TP63: variants seen among roughly 807,000 people sequenced by gnomAD.
The protein encoded by TP63 is tumor protein p63.
In TP63, 17 loss-of-function variants were observed where a neutral mutation model predicts 82.8. That is an observed-to-expected ratio of 0.21 (90% CI 0.14 to 0.31). TP63 has a LOEUF of 0.31. TP63 is among the 10% of genes least tolerant of loss of function. The pLI, the probability that TP63 is intolerant of heterozygous loss-of-function variation, is 1.00. For synonymous variants in TP63, 330 were observed against 321.7 expected (o/e 1.03, Z -0.28); for missense variants, 648 against 895.3 (o/e 0.72, Z 3.52).
Position 189,894,571 on chromosome 3 carries a change from C to T in TP63, c.*69C>T, listed in dbSNP as rs1237531613. The T allele has an allele frequency of 1.3e-6, 2 of 1,566,256 alleles. No homozygotes were observed. Among genetic ancestry groups the T allele is most frequent in the Non-Finnish European group, 1.7e-6 (2 of 1,152,042 alleles). ...CCCCCTAAAAGCACTCCTGCTTAATCTTCAAAGCCTTCTCCCTAGCTCCTC... is the reference window on the plus strand; with the variant it reads ...CCCCCTAAAAGCACTCCTGCTTAATTTTCAAAGCCTTCTCCCTAGCTCCTC... On this transcript the variant is annotated 3_prime_UTR_variant, in exon 14 of 14. Coordinates refer to ENST00000264731, the MANE Select transcript of TP63 (RefSeq NM_003722.5).
chr3:189,793,853 T>A (rs566551824), intron 3 of TP63, among the ~76,000 whole-genome samples: 60 of 152,216 alleles, frequency 3.9e-4, no homozygotes, highest in African/African-American at 1.4e-3. Flanking sequence ...TTTAGATGTA[T>A]GTTGAGGAAA....
intron 1 of TP63, among the ~76,000 whole-genome samples, chr3:189,694,168 A>G (rs1717161139): frequency 6.6e-6 from 1 of 152,214 alleles, no homozygotes; most frequent in African/African-American, 2.4e-5. Flanking sequence ...TTCTCATTTT[A>G]CATAAGCTTT....
chr3:189,878,462 C>T (rs1401836832), intron 10 of TP63, among the ~76,000 whole-genome samples: 1 of 145,980 alleles, frequency 6.9e-6, no homozygotes, highest in African/African-American at 2.5e-5. Flanking sequence ...GATCTCGGCT[C>T]ACTGAAACAT....
intron 1 of TP63, among the ~76,000 whole-genome samples, chr3:189,715,168 C>A (rs1560129682): frequency 6.6e-6 from 1 of 152,040 alleles, no homozygotes; most frequent in South Asian, 2.1e-4. Context: ...ATAGAGAGGA[C>A]CCAGAAGAAA....
chr3:189,884,683 A>G (rs938492304), intron 10 of TP63, among the ~76,000 whole-genome samples: 2 of 152,248 alleles, frequency 1.3e-5, no homozygotes, highest in Non-Finnish European at 2.9e-5. Flanking sequence ...ATGTGGATCT[A>G]TAATTGTGAG....
At chr3:189,754,392 TTC>T (rs1722032837) in intron 3 of TP63, among the ~76,000 whole-genome samples, 1 of 152,184 alleles carries the variant, frequency 6.6e-6, no homozygotes, top group Non-Finnish European at 1.5e-5. Flanking sequence ...TTATAAAACT[TTC>T]TGATATGCCA....
At chr3:189,631,243 G>A (rs1729440040), upstream of TP63, 3 of 985,218 alleles carry the variant, frequency 3.0e-6, no homozygotes, top group Middle Eastern at 5.2e-4. Context: ...GTGAGAGAGG[G>A]GGAAGAACAA....
At position 189,808,308 on chromosome 3, in the gene TP63, G is replaced by A. The variant is rs111466227; in HGVS notation, c.361G>A (p.Asp121Asn). ...YTNLGLLNSM[D>N]QQIQNGSSST... Reference sequence around the variant, plus strand: ...GAACCTGGGGCTCCTGAACAGCATGGACCAGCAGATTCAGAACGGCTCCTC... The same window carrying A: ...GAACCTGGGGCTCCTGAACAGCATGAACCAGCAGATTCAGAACGGCTCCTC... The change falls in exon 4 of 14, where the codon GAC becomes AAC. Residue 121 changes from aspartate (D) to asparagine (N), a missense_variant. Coordinates refer to ENST00000264731, the MANE Select transcript of TP63 (RefSeq NM_003722.5). The A allele has an allele frequency of 1.2e-6, 2 of 1,614,178 alleles. No homozygotes were observed. Among genetic ancestry groups the A allele is most frequent in the Non-Finnish European group, 1.7e-6 (2 of 1,180,040 alleles).
At chr3:189,627,817 C>T (rs1407139502), upstream of TP63, among the ~76,000 whole-genome samples, 1 of 152,058 alleles carries the variant, frequency 6.6e-6, no homozygotes. Context: ...GAAGGCTACT[C>T]GGTGTCTAAT....
intron 1 of TP63, among the ~76,000 whole-genome samples, chr3:189,661,195 G>A (rs1013736792): frequency 6.6e-5 from 10 of 151,934 alleles, no homozygotes; most frequent in African/African-American, 2.2e-4. Context: ...TCAGTATGAT[G>A]TTGGCTGTAG....
intron 4 of TP63, among the ~76,000 whole-genome samples, chr3:189,857,270 G>T (rs1452991524): frequency 1.3e-5 from 2 of 152,060 alleles, no homozygotes; most frequent in Non-Finnish European, 2.9e-5. Context: ...AGCTCAACAA[G>T]GGAAAATATG....
chr3:189,644,255 A>C (rs1577165923), intron 1 of TP63, among the ~76,000 whole-genome samples: 1 of 137,254 alleles, frequency 7.3e-6, no homozygotes, highest in African/African-American at 2.8e-5. Context: ...CCTCTCTCAT[A>C]CCCCCAGCTT....
At chr3:189,830,221 A>G (rs1032163108) in intron 4 of TP63, among the ~76,000 whole-genome samples, 10 of 152,220 alleles carry the variant, frequency 6.6e-5, no homozygotes, top group Non-Finnish European at 1.2e-4. Flanking sequence ...AGACCTTTAC[A>G]AATTGTAGTC....
At position 189,737,885 on chromosome 3, in the gene TP63, C is replaced by T; in HGVS notation, c.191+17C>T. The T allele has an allele frequency of 6.2e-7, 1 of 1,613,554 alleles. No homozygotes were observed. The highest frequency in any genetic ancestry group is 1.1e-5 in the South Asian group (1 of 91,066). On this transcript the variant is annotated intron_variant, in intron 2 of 13. Transcript: ENST00000264731. ...TCTGGAACAGTAAGTATAAAACAAG[C>T]AAGAAATGTTTTGCTTGAGCTAAAT...
intron 3 of TP63, among the ~76,000 whole-genome samples, chr3:189,761,569 G>A (rs1722573050): frequency 6.6e-6 from 1 of 152,110 alleles, no homozygotes; most frequent in African/African-American, 2.4e-5. Context: ...CATTCAACAA[G>A]TCTCTAGGAA....
chr3:189,682,061 G>A (rs1161380805), intron 1 of TP63, among the ~76,000 whole-genome samples: 2 of 151,976 alleles, frequency 1.3e-5, no homozygotes, highest in African/African-American at 4.8e-5. Context: ...GGTGAAACCC[G>A]GTCTCTACTA....
chr3:189,879,970 T>C (rs1719723300), intron 10 of TP63: 1 of 1,493,374 alleles, frequency 6.7e-7, no homozygotes, highest in Non-Finnish European at 8.9e-7. Flanking sequence ...ACTATGATCA[T>C]GAAGGTATAA....
chr3:189,874,200 G>A (rs1467220933), intron 10 of TP63, among the ~76,000 whole-genome samples: 1 of 152,094 alleles, frequency 6.6e-6, no homozygotes, highest in Non-Finnish European at 1.5e-5. Flanking sequence ...CTCCCGAGTA[G>A]CTGGGATTAG....
At chr3:189,634,659 G>A (rs1026526119) in intron 1 of TP63, among the ~76,000 whole-genome samples, 11 of 151,750 alleles carry the variant, frequency 7.2e-5, no homozygotes, top group African/African-American at 1.9e-4. Context: ...GAAAAAAGTT[G>A]GATAAAATCA....
Sources: gnomAD v4.1 joint callset for allele counts (sites outside exome capture counted in the v4.1 genomes callset) on GRCh38, gnomAD v4.1.1 for gene constraint, MANE v1.5 for transcripts, NCBI Gene and HGNC (gene_info 2026-07-23, HGNC 2026-07-21) for gene names.